The following PTPRC variants were observed in gnomAD, a reference collection of about 807,000 sequenced individuals.
PTPRC encodes protein tyrosine phosphatase receptor type C.
In PTPRC, 44 loss-of-function variants were observed where a neutral mutation model predicts 155.9. That is an observed-to-expected ratio of 0.28 (90% CI 0.22 to 0.36). PTPRC has a LOEUF of 0.36. PTPRC is among the 10% of genes least tolerant of loss of function. The pLI, the probability that PTPRC is intolerant of heterozygous loss-of-function variation, is 1.00. For missense variants in PTPRC, 1,401 were observed against 1,564.6 expected, an observed-to-expected ratio of 0.90 and a Z score of 1.76; for synonymous variants, 525 against 533.1, an observed-to-expected ratio of 0.98 and a Z score of 0.21.
chr1:198,756,332 A>ATATT lies in PTPRC; in HGVS notation c.*154_*157dup, dbSNP rs1655660410. 1 of 1,023,278 alleles carries ATATT rather than the reference A, an allele frequency of 9.8e-7. No homozygotes were observed. The highest frequency in any genetic ancestry group is 1.4e-6 in the Non-Finnish European group (1 of 707,240). 63.4% of individuals were successfully genotyped at this position (1,023,278 alleles called of 1,614,324 possible). Reference sequence around the variant, plus strand: ...GGTTATATTTTACTACTGTGGAAAAATATTTAAGATAGTTTTGCCAGAACA... The same window carrying ATATT: ...GGTTATATTTTACTACTGTGGAAAAATATTTATTTAAGATAGTTTTGCCAGAACA... On this transcript the variant is annotated 3_prime_UTR_variant, in exon 33 of 33. Coordinates refer to ENST00000442510, the MANE Select transcript of PTPRC (RefSeq NM_002838.5).
intron 15 of PTPRC, 77 bp from the exon 16 acceptor site, chr1:198,728,263 C>A (rs540493778): frequency 9.0e-7 from 1 of 1,109,536 alleles, no homozygotes; most frequent in Non-Finnish European, 1.3e-6. Context: ...AATATAAATA[C>A]TTTGGAGGTG....
chr1:198,664,780 A>G (rs1467857902), intron 2 of PTPRC, among the ~76,000 whole-genome samples: 1 of 152,138 alleles, frequency 6.6e-6, no homozygotes, highest in Non-Finnish European at 1.5e-5. Flanking sequence ...TAGTTGCTAG[A>G]TTTGAAATCA....
rs997103605 is a variant in PTPRC at position 198,731,666 on chromosome 1, G to C, written c.1914G>C (p.Leu638Phe). 6.2e-7 allele frequency: 1 copy of C among 1,611,804 alleles called. No individual in the cohort carries two copies. Among genetic ancestry groups the C allele is most frequent in the Non-Finnish European group, 8.5e-7 (1 of 1,178,410 alleles). ...MNVEPIHADILLETYKRKIAD... is the reference protein window; with the variant it reads ...MNVEPIHADIFLETYKRKIAD... ...TGGAGCCAATCCATGCAGATATTTT[G>C]TTGGAAACTTATAAGAGGAAGATTG... Residue 638 changes from leucine to phenylalanine, a missense_variant, in exon 18 of 33, where the codon TTG becomes TTC. Physicochemically the swap from Leu to Phe is conservative, Grantham distance 22 (BLOSUM62 0). This residue lies in a region of PTPRC where 867 missense variants were observed against 970.4 expected (regional missense o/e 0.89). Coordinates refer to ENST00000442510, the MANE Select transcript of PTPRC (RefSeq NM_002838.5).
At chr1:198,695,988 C>T (rs1220688434) in intron 3 of PTPRC, among the ~76,000 whole-genome samples, 1 of 151,932 alleles carries the variant, frequency 6.6e-6, no homozygotes, top group Non-Finnish European at 1.5e-5. Context: ...GGTGAAACCC[C>T]ATCTCTACTA....
intron 15 of PTPRC, among the ~76,000 whole-genome samples, chr1:198,725,162 A>G (rs1654075782): frequency 6.6e-6 from 1 of 152,132 alleles, no homozygotes; most frequent in African/African-American, 2.4e-5. Flanking sequence ...GAAGATTTAT[A>G]TATCTGAGAA....
At chr1:198,734,173 A>G (rs1371693558) in intron 20 of PTPRC, 23 bp from the exon 21 acceptor site, 2 of 1,605,556 alleles carry the variant, frequency 1.2e-6, no homozygotes, top group African/African-American at 2.7e-5. Context: ...CAAATGACAT[A>G]TCTCTGCATG....
At chr1:198,753,902 C>T (rs1259211660) in intron 31 of PTPRC, among the ~76,000 whole-genome samples, 1 of 152,072 alleles carries the variant, frequency 6.6e-6, no homozygotes, top group Middle Eastern at 3.2e-3. Context: ...TTTCTGATTA[C>T]ATCAGCTTTC....
chr1:198,700,912 G>A (rs1666427999), intron 5 of PTPRC, among the ~76,000 whole-genome samples: 1 of 152,186 alleles, frequency 6.6e-6, no homozygotes, highest in South Asian at 2.1e-4. Context: ...GTTGAGAGTG[G>A]AAGCCTCAAA....
intron 15 of PTPRC, among the ~76,000 whole-genome samples, chr1:198,726,739 C>T (rs1164759463): frequency 2.0e-5 from 3 of 152,156 alleles, no homozygotes; most frequent in Non-Finnish European, 4.4e-5. Flanking sequence ...AAGGCCTCCA[C>T]TTGCCATACA....
chr1:198,643,583 T>A (rs187456949), intron 2 of PTPRC, among the ~76,000 whole-genome samples: 1 of 152,004 alleles, frequency 6.6e-6, no homozygotes, highest in East Asian at 1.9e-4. Context: ...TTTCTTACTC[T>A]CCTTATCTCA....
chr1:198,751,196 A>C (rs978416719), intron 29 of PTPRC, among the ~76,000 whole-genome samples: 6 of 151,994 alleles, frequency 3.9e-5, no homozygotes, highest in African/African-American at 1.4e-4. Flanking sequence ...TATCTATATC[A>C]TCCTTTCTTT....
At chr1:198,687,781 T>C (rs1226028796) in intron 2 of PTPRC, among the ~76,000 whole-genome samples, 1 of 152,200 alleles carries the variant, frequency 6.6e-6, no homozygotes, top group Admixed American at 6.5e-5. Context: ...AAAATTGATA[T>C]GTTGCTTTAA....
intron 11 of PTPRC, among the ~76,000 whole-genome samples, chr1:198,710,784 A>T (rs1653257866): frequency 6.6e-6 from 1 of 152,246 alleles, no homozygotes; most frequent in Non-Finnish European, 1.5e-5. Flanking sequence ...AGTCTGTCAC[A>T]TTACTGAATT....
At chr1:198,673,696 C>T (rs1664778445) in intron 2 of PTPRC, among the ~76,000 whole-genome samples, 1 of 152,052 alleles carries the variant, frequency 6.6e-6, no homozygotes, top group South Asian at 2.1e-4. Context: ...TCCAGTGATA[C>T]TATGGAAAAC....
chr1:198,693,959 G>C, intron 3 of PTPRC: 1 of 1,523,282 alleles, frequency 6.6e-7, no homozygotes, highest in Non-Finnish European at 8.8e-7. Flanking sequence ...GGTTAGATGT[G>C]TATATGAGGG....
chr1:198,738,998 C>T (rs774483406), intron 23 of PTPRC, among the ~76,000 whole-genome samples: 13 of 151,672 alleles, frequency 8.6e-5, no homozygotes, highest in Non-Finnish European at 1.5e-4. Context: ...AGTTTGTTTA[C>T]ACAATGTCTG....
intron 3 of PTPRC, 28 bp downstream of exon 3, chr1:198,692,401 A>G: frequency 1.5e-6 from 2 of 1,369,848 alleles, no homozygotes; most frequent in African/African-American, 3.0e-5. Context: ...TATTTTTACT[A>G]ATTTTATTTT....
chr1:198,719,660 G>T (rs1419785776), intron 14 of PTPRC, among the ~76,000 whole-genome samples: 1 of 151,854 alleles, frequency 6.6e-6, no homozygotes. Context: ...ACCCAGGCTG[G>T]AGTGTGGTGG....
At chr1:198,723,405 T>C (rs1248435030) in intron 15 of PTPRC, among the ~76,000 whole-genome samples, 1 of 152,168 alleles carries the variant, frequency 6.6e-6, no homozygotes, top group Non-Finnish European at 1.5e-5. Context: ...AGAGAAAATA[T>C]AAAAACAGCT....
Sources: allele counts gnomAD v4.1 joint callset (sites outside exome capture counted in the v4.1 genomes callset), GRCh38; gene constraint gnomAD v4.1.1; regional missense constraint gnomAD v4.1.1; transcripts MANE v1.5; gene names NCBI Gene and HGNC (gene_info 2026-07-23, HGNC 2026-07-21).